The following SMAP1 variants were observed in gnomAD, a reference collection of about 807,000 sequenced individuals.
SMAP1 encodes small ArfGAP 1.
Under a neutral mutation model 58.5 loss-of-function variants are expected in SMAP1, and 24 were observed. That is an observed-to-expected ratio of 0.41 (90% CI 0.30 to 0.58). The LOEUF is 0.58. Among genes scored for constraint, SMAP1 ranks in the 20% least tolerant of loss-of-function variants. SMAP1 has a pLI of 0.29. For synonymous variants in SMAP1, 216 were observed against 196.6 expected (o/e 1.10, Z -0.82); for missense variants, 563 against 566.3 (o/e 0.99, Z 0.06).
intron 1 of SMAP1, among the ~76,000 whole-genome samples, chr6:70,672,104 G>A (rs1170120790): frequency 1.3e-5 from 2 of 152,192 alleles, no homozygotes; most frequent in East Asian, 1.9e-4. Flanking sequence ...GTTAGATATT[G>A]TATTAGGTAA....
At position 70,791,734 on chromosome 6, in the gene SMAP1, T is replaced by C; in HGVS notation, c.460T>C (p.Ser154Pro). Residue 154 changes from serine (S) to proline (P), a missense_variant, in exon 5 of 11, where the codon TCT becomes CCT. Transcript: ENST00000370455. ...TCTTCAGCCTTTGGTATCCTCTCCT[T>C]CTCTGCAAGCTGCTGTTGACAAAAA... ...APLQPLVSSPSLQAAVDKNKL... is the reference protein window; with the variant it reads ...APLQPLVSSPPLQAAVDKNKL... 1 of 1,613,584 alleles carries C rather than the reference T, an allele frequency of 6.2e-7. No homozygotes were observed. Among genetic ancestry groups the C allele is most frequent in the Non-Finnish European group, 8.5e-7 (1 of 1,179,756 alleles).
At chr6:70,729,863 G>A (rs1479111741) in intron 1 of SMAP1, among the ~76,000 whole-genome samples, 1 of 152,180 alleles carries the variant, frequency 6.6e-6, no homozygotes, top group East Asian at 1.9e-4. Flanking sequence ...CTAGAACCTT[G>A]CTCTTCAAAA....
At chr6:70,720,703 A>G (rs942163182) in intron 1 of SMAP1, among the ~76,000 whole-genome samples, 2 of 152,184 alleles carry the variant, frequency 1.3e-5, no homozygotes, top group Non-Finnish European at 2.9e-5. Flanking sequence ...TTAACACCAC[A>G]TGGAAGCTGC....
chr6:70,805,509 C>T (rs993955819), intron 6 of SMAP1, among the ~76,000 whole-genome samples: 1 of 152,172 alleles, frequency 6.6e-6, no homozygotes, highest in Admixed American at 6.5e-5. Flanking sequence ...TCAGTCAACT[C>T]GTCAAAGTCA....
chr6:70,702,931 C>T (rs1767694487), intron 1 of SMAP1, among the ~76,000 whole-genome samples: 1 of 152,106 alleles, frequency 6.6e-6, no homozygotes, highest in East Asian at 1.9e-4. Context: ...TGTGCCTGTC[C>T]CCATGTTCAG....
rs566625641 is a variant in SMAP1 at position 70,786,624 on chromosome 6, G to A, written c.415-5065G>A. On this transcript the variant is annotated intron_variant, in intron 4 of 10. Transcript: ENST00000370455. ...AGCAAAGTCTCAGGATACAAAATCA[G>A]TGTACAAAAATCACAAGCATTCTTA... 9.4e-3 allele frequency among the ~76,000 whole-genome samples: 1,429 copies of A among 152,030 alleles called. 24 individuals carry two copies. The highest frequency in any genetic ancestry group is 0.03 in the African/African-American group (1,234 of 41,366).
intron 4 of SMAP1, 52 bp downstream of exon 4, chr6:70,773,477 T>C (rs1234110805): frequency 9.6e-6 from 10 of 1,041,230 alleles, no homozygotes; most frequent in Non-Finnish European, 1.4e-5. Flanking sequence ...GATTTCAAAC[T>C]TTTAACATGC....
chr6:70,821,948 T>C (rs998161680), intron 6 of SMAP1, among the ~76,000 whole-genome samples: 1 of 152,124 alleles, frequency 6.6e-6, no homozygotes, highest in African/African-American at 2.4e-5. Context: ...TTGCAATCAT[T>C]TGAAGCTTTA....
At chr6:70,807,334 A>T (rs747092690) in intron 6 of SMAP1, among the ~76,000 whole-genome samples, 3 of 152,246 alleles carry the variant, frequency 2.0e-5, no homozygotes, top group Non-Finnish European at 2.9e-5. Flanking sequence ...AAACCTAAAA[A>T]TGTAATGAGT....
intron 6 of SMAP1, among the ~76,000 whole-genome samples, chr6:70,808,605 C>T (rs1480447782): frequency 2.0e-5 from 3 of 152,190 alleles, no homozygotes; most frequent in African/African-American, 4.8e-5. Context: ...AGATTTGCCT[C>T]GATGATCTCT....
chr6:70,771,014 C>T (rs907227386), intron 3 of SMAP1, among the ~76,000 whole-genome samples: 11 of 152,220 alleles, frequency 7.2e-5, no homozygotes, highest in South Asian at 2.1e-4. Flanking sequence ...TGGAGGTCCA[C>T]TCCAGACCCT....
chr6:70,844,315 CAG>C lies in SMAP1; in HGVS notation c.664+7290_664+7291del, dbSNP rs1377059550. On this transcript the variant is annotated intron_variant, in intron 7 of 10. Coordinates refer to ENST00000370455, the MANE Select transcript of SMAP1 (RefSeq NM_001044305.3). ...TCAGCTATTTCAGATAGCTCTAAAT[CAG>C]AGTGCGTGTGTGTGTGTACACATGT... Among the ~76,000 whole-genome samples the C allele has an allele frequency of 3.9e-5, 6 of 152,132 alleles. No homozygotes were observed. The East Asian group carries it at 7.7e-4, about 20-fold the overall frequency.
In SMAP1 at chr6:70,822,568, A is replaced by T. The variant is rs74446851; in HGVS notation, c.577-14373A>T. Among the ~76,000 whole-genome samples the T allele has an allele frequency of 2.0e-3, 301 of 152,312 alleles. 1 individual carries two copies. The highest frequency in any genetic ancestry group is 3.3e-3 in the Non-Finnish European group (222 of 68,010). ...AAGAAGCAAGAAAAGGTAAGGGCAA[A>T]GGACCTCAACTCTGTATCTTTGATT... On this transcript the variant is annotated intron_variant, in intron 6 of 10. Coordinates refer to ENST00000370455, the MANE Select transcript of SMAP1 (RefSeq NM_001044305.3).
At chr6:70,844,182 A>G (rs1455590637) in intron 7 of SMAP1, among the ~76,000 whole-genome samples, 1 of 152,186 alleles carries the variant, frequency 6.6e-6, no homozygotes, top group East Asian at 1.9e-4. Flanking sequence ...ATCTGGTTTC[A>G]TATTTATATA....
chr6:70,790,270 A>G (rs1022225461), intron 4 of SMAP1, among the ~76,000 whole-genome samples: 1 of 152,058 alleles, frequency 6.6e-6, no homozygotes, highest in Non-Finnish European at 1.5e-5. Context: ...CCTTCCAAGT[A>G]GCTGGGATTA....
intron 1 of SMAP1, among the ~76,000 whole-genome samples, chr6:70,674,046 G>T (rs1766376448): frequency 1.3e-5 from 2 of 151,830 alleles, no homozygotes; most frequent in African/African-American, 2.4e-5. Context: ...TTGAATCCAT[G>T]CTCTCTTTAA....
Position 70,762,156 on chromosome 6 carries a change from A to G in SMAP1, c.338+7091A>G, listed in dbSNP as rs554111166. On this transcript the variant is annotated intron_variant, in intron 3 of 10. Coordinates refer to ENST00000370455, the MANE Select transcript of SMAP1 (RefSeq NM_001044305.3). Reference sequence around the variant, plus strand: ...GTTTATGATGACAGTTTACAGACACATGTACCCCTAATAATCCATTTGGCT... The same window carrying G: ...GTTTATGATGACAGTTTACAGACACGTGTACCCCTAATAATCCATTTGGCT... Among the ~76,000 whole-genome samples the G allele has an allele frequency of 3.2e-4, 49 of 152,260 alleles. 1 individual carries two copies. Among genetic ancestry groups the G allele is most frequent in the South Asian group, 2.7e-3 (13 of 4,824 alleles).
At chr6:70,856,804 A>T in intron 8 of SMAP1, 55 bp from the exon 9 acceptor site, 2 of 1,486,770 alleles carry the variant, frequency 1.3e-6, no homozygotes, top group Middle Eastern at 3.6e-4. Context: ...TAAGTAATGG[A>T]TAAGCTGCGC....
intron 2 of SMAP1, among the ~76,000 whole-genome samples, chr6:70,749,863 A>T (rs1158133840): frequency 1.3e-5 from 2 of 152,218 alleles, no homozygotes; most frequent in African/African-American, 4.8e-5. Flanking sequence ...CATGGAATGG[A>T]CTGTATTTGG....
Sources: gnomAD v4.1 joint callset for allele counts (sites outside exome capture counted in the v4.1 genomes callset) on GRCh38, gnomAD v4.1.1 for gene constraint, MANE v1.5 for transcripts, NCBI Gene and HGNC (gene_info 2026-07-23, HGNC 2026-07-21) for gene names.